Variants in PPM1G observed in about 807,000 individuals in gnomAD.
The protein encoded by PPM1G is protein phosphatase, Mg2+/Mn2+ dependent 1G.
PPM1G carries 12 observed loss-of-function variants against 59.4 expected under a neutral mutation model. That is an observed-to-expected ratio of 0.20 (90% confidence interval 0.13 to 0.33). The LOEUF (loss-of-function observed/expected upper bound fraction) is 0.33, where lower values mean the gene tolerates loss of function less well. Among genes scored for constraint, PPM1G ranks in the 10% least tolerant of loss-of-function variants. PPM1G has a pLI of 1.00. For synonymous variants in PPM1G, 245 were observed against 251.9 expected (o/e 0.97, Z 0.26); for missense variants, 392 against 681.3 (o/e 0.58, Z 4.73).
At chr2:27,381,857 GA>G (rs1683639138) in intron 9 of PPM1G, 52 bp from the exon 10 acceptor site, 11 of 1,564,274 alleles carry the variant, frequency 7.0e-6, no homozygotes, top group Non-Finnish European at 8.8e-6. Flanking sequence ...ACCTTGCCAG[GA>G]ATCTACAGTC....
rs897184539 is a variant in PPM1G at position 27,408,009 on chromosome 2, T to G, written c.120+1294A>C. 6.6e-5 allele frequency among the ~76,000 whole-genome samples: 10 copies of G among 151,564 alleles called. 1 individual carries two copies. Among genetic ancestry groups the G allele is most frequent in the Admixed American group, 3.9e-4 (6 of 15,202 alleles). Reference sequence around the variant, plus strand: ...TTGCGGTGAGCCGAGATCGCGCCATTGCATTCCAGCCTGGGCAACAAGAGC... The same window carrying G: ...TTGCGGTGAGCCGAGATCGCGCCATGGCATTCCAGCCTGGGCAACAAGAGC... On this transcript the variant is annotated intron_variant, in intron 1 of 9. Transcript: ENST00000344034.
chr2:27,383,424 A>G lies in PPM1G; in HGVS notation c.1143T>C (p.Gly381=). 1 of 1,614,126 alleles carries G rather than the reference A, an allele frequency of 6.2e-7. No individual in the cohort carries two copies. The highest frequency in any genetic ancestry group is 1.1e-5 in the South Asian group (1 of 91,088). ...CTCGCCCATCCATGGTGACCTTGCC[A>G]CCAGCATTCTTGATGCGTGCTAGTT... ...EVELARIKNA[G]GKVTMDGRVN... Residue 381 remains glycine (G), a synonymous_variant, in exon 7 of 10, where the codon GGT becomes GGC. Coordinates refer to ENST00000344034, the MANE Select transcript of PPM1G (RefSeq NM_177983.3). This position sits in a 1 kb window ranked among gnomAD's most constrained non-coding sequence, Gnocchi z 5.0.
Position 27,385,695 on chromosome 2 carries a change from G to T in PPM1G, c.409+52C>A, listed in dbSNP as rs1683744288. 1.3e-6 allele frequency: 2 copies of T among 1,582,194 alleles called. No homozygotes were observed. The highest frequency in any genetic ancestry group is 1.2e-5 in the South Asian group (1 of 85,862). On this transcript the variant is annotated intron_variant, in intron 4 of 9. Transcript: ENST00000344034. The surrounding 1 kb of genome is among the most constrained non-coding windows in gnomAD (Gnocchi z 4.1). Reference sequence around the variant, plus strand: ...CTTAGAATTGATAAGTAATATTAAAGAATATTTCTTAAAATGCTGATTTCC... The same window carrying T: ...CTTAGAATTGATAAGTAATATTAAATAATATTTCTTAAAATGCTGATTTCC...
chr2:27,392,291 T>TTTTG, intron 1 of PPM1G, among the ~76,000 whole-genome samples: 2 of 87,590 alleles, frequency 2.3e-5, no homozygotes, highest in African/African-American at 4.9e-5. Context: ...GTTTTGTTTT[T>TTTTG]TTTTTTTTTT....
chr2:27,392,299 T>TTG (rs1683927769), intron 1 of PPM1G, among the ~76,000 whole-genome samples: 1 of 102,178 alleles, frequency 9.8e-6, no homozygotes, highest in African/African-American at 3.7e-5. Context: ...TTTTTTTTTT[T>TTG]TTTTTTTTTT....
chr2:27,392,597 G>C (rs1683941402), intron 1 of PPM1G, among the ~76,000 whole-genome samples: 1 of 100,448 alleles, frequency 1.0e-5, no homozygotes, highest in Non-Finnish European at 1.8e-5. Context: ...CCAGCCCACA[G>C]TACATTTTTT....
At chr2:27,391,337 CCAA>C (rs147105827) in intron 1 of PPM1G, among the ~76,000 whole-genome samples, 3,137 of 152,304 alleles carry the variant, frequency 0.021, 116 homozygotes, top group African/African-American at 0.071. Flanking sequence ...TGCAGCCTCA[CCAA>C]CGTTTCTCAT....
In PPM1G at chr2:27,384,747, C is replaced by T. The variant is rs200231742; in HGVS notation, c.751G>A (p.Val251Ile). The change falls in exon 5 of 10, where the codon GTT becomes ATT. Residue 251 changes from valine (V) to isoleucine (I), a missense_variant. Physicochemically the swap from Val to Ile is conservative, Grantham distance 29. Around this residue, in one of 6 missense-constraint regions of PPM1G, gnomAD observed 188 missense variants for 248.8 expected, o/e 0.76. Coordinates refer to ENST00000344034, the MANE Select transcript of PPM1G (RefSeq NM_177983.3). The surrounding 1 kb of genome is among the most constrained non-coding windows in gnomAD (Gnocchi z 4.8). ...TCCTCAAAGAACTTGGACTTAGCAA[C>T]TCGAGGCAGCTTGTCAGAGGCTGAA... ...CSSASDKLPRVAKSKFFEDSE... is the reference protein window; with the variant it reads ...CSSASDKLPRIAKSKFFEDSE... The T allele has an allele frequency of 6.2e-7, 1 of 1,614,216 alleles. No individual in the cohort carries two copies. Among genetic ancestry groups the T allele is most frequent in the East Asian group, 2.2e-5 (1 of 44,880 alleles).
rs376047812 is a variant in PPM1G at position 27,395,253 on chromosome 2, AAG to A, written c.121-8097_121-8096del. Among the ~76,000 whole-genome samples, 450 of 150,582 alleles carry A rather than the reference AAG, an allele frequency of 3.0e-3. 3 individuals carry two copies. The highest frequency in any genetic ancestry group is 7.1e-3 in the South Asian group (34 of 4,802). ...TGTCTCAAAAAAAAAAAAAAAAAGA[AAG>A]AAAGAAAGAAAGAAAAACTTAATTC... On this transcript the variant is annotated intron_variant, in intron 1 of 9. Transcript: ENST00000344034.
At chr2:27,406,308 C>G (rs1475235667) in intron 1 of PPM1G, among the ~76,000 whole-genome samples, 1 of 152,092 alleles carries the variant, frequency 6.6e-6, no homozygotes, top group Non-Finnish European at 1.5e-5. Flanking sequence ...AGATAAGATT[C>G]AGGGAAGAGG....
At chr2:27,399,319 G>A (rs1396254855) in intron 1 of PPM1G, among the ~76,000 whole-genome samples, 5 of 152,110 alleles carry the variant, frequency 3.3e-5, no homozygotes, top group Non-Finnish European at 7.4e-5. Flanking sequence ...AATGGACAAA[G>A]ACTTTGAACA....
intron 1 of PPM1G, among the ~76,000 whole-genome samples, chr2:27,389,986 T>C (rs1413335093): frequency 3.3e-5 from 5 of 151,912 alleles, no homozygotes; most frequent in Admixed American, 2.0e-4. Context: ...AACAAAGTTA[T>C]AGGATCACAT....
At chr2:27,386,800 T>A (rs1292279611) in intron 2 of PPM1G, 2 of 233,588 alleles carry the variant, frequency 8.6e-6, no homozygotes, top group Admixed American at 1.0e-4. Flanking sequence ...TGATCCACTG[T>A]GCCGGGATTA....
chr2:27,409,198 G>A lies in PPM1G; in HGVS notation c.120+105C>T. The A allele has an allele frequency of 2.1e-6, 3 of 1,397,030 alleles. No individual in the cohort carries two copies. In the South Asian group the frequency reaches 4.3e-5, roughly 20 times the overall value. 86.5% of individuals were successfully genotyped at this position (1,397,030 alleles called of 1,614,324 possible). A position where few individuals can be genotyped will look rare whatever the true frequency, so the allele number is the denominator to read the frequency against. On this transcript the variant is annotated intron_variant, in intron 1 of 9. Coordinates refer to ENST00000344034, the MANE Select transcript of PPM1G (RefSeq NM_177983.3). ...CCGCAAACGGCCGCTGCGGCCGCAGGCTCCCAATTGGGACCCTTCCCAGGG... is the reference window on the plus strand; with the variant it reads ...CCGCAAACGGCCGCTGCGGCCGCAGACTCCCAATTGGGACCCTTCCCAGGG...
At chr2:27,397,237 CTTTA>C (rs1425268405) in intron 1 of PPM1G, among the ~76,000 whole-genome samples, 1 of 152,164 alleles carries the variant, frequency 6.6e-6, no homozygotes, top group Non-Finnish European at 1.5e-5. Flanking sequence ...GCTCAGATGC[CTTTA>C]TTTGTGAATT....
At chr2:27,399,891 G>A (rs2148426224) in intron 1 of PPM1G, among the ~76,000 whole-genome samples, 1 of 145,082 alleles carries the variant, frequency 6.9e-6, no homozygotes, top group East Asian at 2.0e-4. Context: ...ATATAACCAA[G>A]AGATATGAGG....
chr2:27,393,060 GC>G, intron 1 of PPM1G: 2 of 1,286,380 alleles, frequency 1.6e-6, no homozygotes, highest in Non-Finnish European at 2.2e-6. Flanking sequence ...GTAATCCATC[GC>G]ATTCAGCCCG....
Position 27,381,505 on chromosome 2 carries a change from A to G in PPM1G, c.*94T>C. ...ACCCAGCTCCCCCTGCACACCTCAT[A>G]CCCACTGCTAAGGCTAAAGGAAAAA... On this transcript the variant is annotated 3_prime_UTR_variant, in exon 10 of 10. Transcript: ENST00000344034. 1 of 1,444,228 alleles carries G rather than the reference A, an allele frequency of 6.9e-7. No individual in the cohort carries two copies. The highest frequency in any genetic ancestry group is 2.3e-5 in the East Asian group (1 of 43,946). The allele number at this position is 1,444,228 out of a possible 1,614,324, so 89.5% of individuals were successfully genotyped here.
chr2:27,389,463 C>T (rs1489173222), intron 1 of PPM1G, among the ~76,000 whole-genome samples: 2 of 152,130 alleles, frequency 1.3e-5, no homozygotes, highest in African/African-American at 4.8e-5. Flanking sequence ...GGAACTGTTT[C>T]ACCTTCCCTA....
Sources: allele counts gnomAD v4.1 joint callset (sites outside exome capture counted in the v4.1 genomes callset), GRCh38; gene constraint gnomAD v4.1.1; regional missense constraint gnomAD v4.1.1; non-coding constraint Gnocchi (gnomAD v3.1); transcripts MANE v1.5; gene names NCBI Gene and HGNC (gene_info 2026-07-23, HGNC 2026-07-21).